The following CNTNAP5 variants were observed in gnomAD, a reference collection of about 807,000 sequenced individuals.
CNTNAP5 encodes contactin-associated protein-like 5.
A neutral mutation model predicts 150.2 loss-of-function variants in CNTNAP5; 72 were observed. That is an observed-to-expected ratio of 0.48 (90% confidence interval 0.40 to 0.58). The LOEUF (loss-of-function observed/expected upper bound fraction) is 0.58. CNTNAP5 is among the 20% of genes least tolerant of loss of function. The pLI is 0.00. For synonymous variants in CNTNAP5, 672 were observed against 619.8 expected, an observed-to-expected ratio of 1.08 and a Z score of -1.25; for missense variants, 1,636 against 1,626.2, an observed-to-expected ratio of 1.01 and a Z score of -0.10.
rs764151141 is a variant in CNTNAP5 at position 124,901,325 on chromosome 2, A to G, written c.3437-1557A>G. On this transcript the variant is annotated intron_variant, in intron 21 of 23. Coordinates refer to ENST00000682447, the MANE Select transcript of CNTNAP5 (RefSeq NM_001367498.1). Reference sequence around the variant, plus strand: ...GCAAAAGTAATTAATGTTGCTCATCAGCTGTATTTGAAACAGGAAGATAAT... The same window carrying G: ...GCAAAAGTAATTAATGTTGCTCATCGGCTGTATTTGAAACAGGAAGATAAT... 3.3e-4 allele frequency among the ~76,000 whole-genome samples: 50 copies of G among 151,576 alleles called. 1 individual carries two copies. Among genetic ancestry groups the G allele is most frequent in the Non-Finnish European group, 5.4e-4 (37 of 68,016 alleles).
At chr2:124,800,938 A>C (rs1292461163) in intron 19 of CNTNAP5, among the ~76,000 whole-genome samples, 2 of 152,038 alleles carry the variant, frequency 1.3e-5, no homozygotes, top group Non-Finnish European at 1.5e-5. Flanking sequence ...GCTTGGTTTT[A>C]TATATTTTAT....
chr2:124,733,063 AATTATTG>A (rs2105129151), intron 13 of CNTNAP5, among the ~76,000 whole-genome samples: 1 of 152,258 alleles, frequency 6.6e-6, no homozygotes, highest in South Asian at 2.1e-4. Flanking sequence ...TTTAACACAA[AATTATTG>A]ATTTATTGAA....
chr2:124,079,651 G>T (rs1203802718), intron 1 of CNTNAP5, among the ~76,000 whole-genome samples: 2 of 152,098 alleles, frequency 1.3e-5, no homozygotes, highest in Non-Finnish European at 2.9e-5. Flanking sequence ...AGAAGTGTGT[G>T]GTTTCTGTCA....
At chr2:124,265,622 G>C (rs758956942) in intron 3 of CNTNAP5, among the ~76,000 whole-genome samples, 2 of 152,120 alleles carry the variant, frequency 1.3e-5, no homozygotes, top group Non-Finnish European at 2.9e-5. Flanking sequence ...AGTTACGGAA[G>C]AGAGAAGGCC....
chr2:124,706,819 GAGGA>G (rs1679659748), intron 13 of CNTNAP5, among the ~76,000 whole-genome samples: 1 of 7,416 alleles, frequency 1.3e-4, no homozygotes, highest in Non-Finnish European at 3.6e-4. Flanking sequence ...GGAGGAGGAG[GAGGA>G]GGAAGAGGAG....
In CNTNAP5 at chr2:124,629,312, T is replaced by G. The variant is rs185246830; in HGVS notation, c.1877-18446T>G. Among the ~76,000 whole-genome samples the G allele has an allele frequency of 4.6e-5, 7 of 152,182 alleles. No homozygotes were observed. In the East Asian group the frequency reaches 1.4e-3, roughly 29 times the overall value. On this transcript the variant is annotated intron_variant, in intron 12 of 23. Transcript: ENST00000682447. ...CTAAAATTGATCACATAACTGAAAGTAAAACACTCCTCAGCAAATGAAGAA... is the reference window on the plus strand; with the variant it reads ...CTAAAATTGATCACATAACTGAAAGGAAAACACTCCTCAGCAAATGAAGAA...
At chr2:124,489,319 C>G (rs182769605) in intron 7 of CNTNAP5, among the ~76,000 whole-genome samples, 2 of 152,276 alleles carry the variant, frequency 1.3e-5, no homozygotes, top group African/African-American at 4.8e-5. Context: ...ATTCTGAGGG[C>G]ATCTCCCTTG....
chr2:124,611,064 G>A (rs1677374401), intron 12 of CNTNAP5, among the ~76,000 whole-genome samples: 1 of 116,608 alleles, frequency 8.6e-6, no homozygotes, highest in African/African-American at 3.0e-5. Flanking sequence ...GGTCTTCAGA[G>A]ATGCCAGCTG....
At chr2:124,256,915 G>T (rs1042722728) in intron 3 of CNTNAP5, among the ~76,000 whole-genome samples, 2 of 152,096 alleles carry the variant, frequency 1.3e-5, no homozygotes, top group African/African-American at 4.8e-5. Context: ...AGTACTTAAG[G>T]ATCTAAAGGC....
At chr2:124,082,500 C>T (rs1044788597) in intron 1 of CNTNAP5, among the ~76,000 whole-genome samples, 9 of 151,596 alleles carry the variant, frequency 5.9e-5, no homozygotes, top group African/African-American at 2.2e-4. Context: ...ATTTCTTTTC[C>T]TTGCTGAGTA....
chr2:124,884,994 C>A (rs976269400), intron 21 of CNTNAP5, among the ~76,000 whole-genome samples: 1 of 151,978 alleles, frequency 6.6e-6, no homozygotes, highest in African/African-American at 2.4e-5. Flanking sequence ...AAATGTAGAA[C>A]CCACTCATAT....
intron 2 of CNTNAP5, among the ~76,000 whole-genome samples, chr2:124,227,195 G>A (rs990465745): frequency 6.6e-6 from 1 of 152,116 alleles, no homozygotes; most frequent in Non-Finnish European, 1.5e-5. Context: ...TCAATACACT[G>A]AGCCATATTT....
intron 3 of CNTNAP5, among the ~76,000 whole-genome samples, chr2:124,246,734 T>C (rs1046844512): frequency 6.6e-6 from 1 of 152,170 alleles, no homozygotes; most frequent in Non-Finnish European, 1.5e-5. Flanking sequence ...ATTCCCACAC[T>C]GTCAGTGAGG....
At chr2:124,405,048 G>A (rs1475699601) in intron 3 of CNTNAP5, among the ~76,000 whole-genome samples, 1 of 151,964 alleles carries the variant, frequency 6.6e-6, no homozygotes, top group Non-Finnish European at 1.5e-5. Context: ...GTGGCGGGTG[G>A]GGGCGGCTGG....
chr2:124,909,637 C>A (rs962842650), intron 22 of CNTNAP5, among the ~76,000 whole-genome samples: 2 of 150,900 alleles, frequency 1.3e-5, no homozygotes, highest in Non-Finnish European at 3.0e-5. Flanking sequence ...CTGTCTCCCT[C>A]CCTCCCTTTC....
At chr2:124,063,326 A>G (rs1682062684) in intron 1 of CNTNAP5, among the ~76,000 whole-genome samples, 1 of 152,144 alleles carries the variant, frequency 6.6e-6, no homozygotes, top group Admixed American at 6.6e-5. Context: ...TAATTTGTAC[A>G]TAGTTCTACG....
chr2:124,790,252 G>T (rs1219467130), intron 18 of CNTNAP5, 111 bp downstream of exon 18: 9 of 1,165,402 alleles, frequency 7.7e-6, no homozygotes, highest in East Asian at 2.6e-5. Flanking sequence ...CTACTCTCCC[G>T]CTGTTTAGAG....
chr2:124,884,935 G>A (rs908171654), intron 21 of CNTNAP5, among the ~76,000 whole-genome samples: 4 of 152,084 alleles, frequency 2.6e-5, no homozygotes, highest in African/African-American at 9.7e-5. Flanking sequence ...GAGAATTGCT[G>A]TGAAGCTGGC....
At chr2:124,028,076 T>C (rs1034406994) in intron 1 of CNTNAP5, among the ~76,000 whole-genome samples, 7 of 152,210 alleles carry the variant, frequency 4.6e-5, no homozygotes, top group Admixed American at 2.6e-4. Context: ...ATAGTCACTT[T>C]ATAAAAGTTT....
Sources: allele counts gnomAD v4.1 joint callset (sites outside exome capture counted in the v4.1 genomes callset), GRCh38; gene constraint gnomAD v4.1.1; transcripts MANE v1.5; gene names NCBI Gene and HGNC (gene_info 2026-07-23, HGNC 2026-07-21).